NIFK: variants seen among roughly 807,000 people sequenced by gnomAD.
NIFK encodes MKI67 FHA domain-interacting nucleolar phosphoprotein.
Under a neutral mutation model 31.7 loss-of-function variants are expected in NIFK, and 16 were observed. That is an observed-to-expected ratio of 0.50 (90% CI 0.34 to 0.77). The LOEUF is 0.77. Among genes scored for constraint, NIFK ranks in the 30% least tolerant of loss-of-function variants. The pLI is 0.01. For synonymous variants in NIFK, 126 were observed against 123.0 expected (o/e 1.02, Z -0.16); for missense variants, 341 against 350.4 (o/e 0.97, Z 0.21).
chr2:121,735,353 TG>T (rs1240369536), intron 2 of NIFK, among the ~76,000 whole-genome samples: 1 of 152,144 alleles, frequency 6.6e-6, no homozygotes, highest in Admixed American at 6.5e-5. Flanking sequence ...CACAAGAAAA[TG>T]TATAAACCTG....
In NIFK at chr2:121,735,646, A is replaced by T; in HGVS notation, c.210T>A (p.Thr70=). The change falls in exon 2 of 7, where the codon ACT becomes ACA. Residue 70 remains threonine (T), a synonymous_variant. Transcript: ENST00000285814. ...QIFSYFSQFG[T]VTRFRLSRSK... is the part of the protein sequence containing the mutation. ...TTCTGGACAGCCTGAACCGTGTCAC[A>T]GTGCCAAACTGGGAGAAATATGAAA... 1 of 1,612,344 alleles carries T rather than the reference A, an allele frequency of 6.2e-7. No individual in the cohort carries two copies. Among genetic ancestry groups the T allele is most frequent in the South Asian group, 1.1e-5 (1 of 91,010 alleles).
Position 121,728,462 on chromosome 2 carries a change from T to C in NIFK, c.624+15A>G, listed in dbSNP as rs2074511253. The C allele has an allele frequency of 3.8e-6, 6 of 1,569,286 alleles. No homozygotes were observed. Among genetic ancestry groups the C allele is most frequent in the Non-Finnish European group, 5.2e-6 (6 of 1,153,994 alleles). On this transcript the variant is annotated intron_variant, in intron 5 of 6. Coordinates refer to ENST00000285814, the MANE Select transcript of NIFK (RefSeq NM_032390.5). ...CTCTAATATCTTGCATGTAAAATGA[T>C]AAAAAAAATTTTACCTGGCCTTTTG...
chr2:121,727,796 TA>T lies in NIFK; in HGVS notation c.809del (p.Val270GlufsTer40). 6.2e-7 allele frequency: 1 copy of T among 1,610,180 alleles called. No homozygotes were observed. Among genetic ancestry groups the T allele is most frequent in the Non-Finnish European group, 8.5e-7 (1 of 1,179,214 alleles). ...TTTGAGTCTCTTGTATTTCTTCTTTTACACAGGATATGGGCTGTTTGAAAAC... is the reference window on the plus strand; with the variant it reads ...TTTGAGTCTCTTGTATTTCTTCTTTTCACAGGATATGGGCTGTTTGAAAAC... ...EIVFKQPISCVKEEIQETQTP... is the reference protein window; with the variant it reads ...EIVFKQPISCXKEEIQETQTP... On this transcript the variant is annotated frameshift_variant, in exon 7 of 7. Coordinates refer to ENST00000285814, the MANE Select transcript of NIFK (RefSeq NM_032390.5). LOFTEE classifies it high-confidence loss of function.
At chr2:121,732,039 A>G (rs1473398787) in intron 3 of NIFK, 57 bp downstream of exon 3, 14 of 963,978 alleles carry the variant, frequency 1.5e-5, no homozygotes, top group Non-Finnish European at 2.2e-5. Context: ...TTCCCACCAC[A>G]GTCACCCACC....
At chr2:121,733,111 G>C (rs1450695430) in intron 2 of NIFK, among the ~76,000 whole-genome samples, 1 of 150,780 alleles carries the variant, frequency 6.6e-6, no homozygotes, top group South Asian at 2.1e-4. Flanking sequence ...AAGAGGGGTG[G>C]CTCATGCCTG....
chr2:121,731,131 AGG>A, intron 3 of NIFK, 27 bp from the exon 4 acceptor site: 1 of 1,347,554 alleles, frequency 7.4e-7, no homozygotes, highest in Non-Finnish European at 1.0e-6. Context: ...AAAAACATAA[AGG>A]TATTTTAATG....
At chr2:121,732,952 T>G (rs893758671) in intron 2 of NIFK, among the ~76,000 whole-genome samples, 2 of 150,280 alleles carry the variant, frequency 1.3e-5, no homozygotes, top group Non-Finnish European at 3.0e-5. Context: ...CATGGTGACA[T>G]GTACCTGTAA....
In NIFK at chr2:121,731,079, T is replaced by A; in HGVS notation, c.378A>T (p.Val126=). ...LECHFMPPEK[V]HKELFKDWNI... ...TCCAGTCTTTAAAGAGTTCTTTATG[T>A]ACTTTTTCAGGTGGCATAAAATGAC... The change falls in exon 4 of 7, where the codon GTA becomes GTT. Residue 126 remains valine (V), a synonymous_variant. Coordinates refer to ENST00000285814, the MANE Select transcript of NIFK (RefSeq NM_032390.5). 3.2e-6 allele frequency: 5 copies of A among 1,585,052 alleles called. No homozygotes were observed. Among genetic ancestry groups the A allele is most frequent in the Non-Finnish European group, 4.3e-6 (5 of 1,166,780 alleles).
intron 4 of NIFK, 84 bp downstream of exon 4, chr2:121,730,809 G>T: frequency 2.2e-6 from 2 of 900,284 alleles, no homozygotes; most frequent in Non-Finnish European, 3.7e-6. Context: ...TGTGGTAAGT[G>T]CTAGGCTAGG....
intron 2 of NIFK, among the ~76,000 whole-genome samples, chr2:121,735,131 ACTTTATATTTAAC>A (rs571791747): frequency 3.0e-4 from 45 of 152,312 alleles, no homozygotes; most frequent in South Asian, 1.2e-3. Flanking sequence ...TCCTCTAAAG[ACTTTATATTTAAC>A]CTTTGACTAA....
At position 121,727,704 on chromosome 2, in the gene NIFK, G is replaced by T. The variant is rs991244519; in HGVS notation, c.*20C>A. On this transcript the variant is annotated 3_prime_UTR_variant, in exon 7 of 7. Transcript: ENST00000285814. Reference sequence around the variant, plus strand: ...CATAAAAATATTATATTTTTCAAAAGAAATATAATACATTGAAAATCACTG... The same window carrying T: ...CATAAAAATATTATATTTTTCAAAATAAATATAATACATTGAAAATCACTG... The T allele has an allele frequency of 1.0e-5, 16 of 1,546,520 alleles. No individual in the cohort carries two copies. The highest frequency in any genetic ancestry group is 9.9e-5 in the Admixed American group (5 of 50,546).
At chr2:121,728,067 C>G (rs1256604712) in intron 6 of NIFK, 155 bp from the exon 7 acceptor site, 2 of 747,008 alleles carry the variant, frequency 2.7e-6, no homozygotes, top group African/African-American at 1.8e-5. Flanking sequence ...GAATAAAGAA[C>G]TTAGATGCTT....
chr2:121,733,947 T>C (rs920289780), intron 2 of NIFK, among the ~76,000 whole-genome samples: 9 of 152,162 alleles, frequency 5.9e-5, no homozygotes, highest in African/African-American at 1.7e-4. Flanking sequence ...TGTACAAAGA[T>C]TGTTCCTAGC....
chr2:121,732,032 C>T, intron 3 of NIFK, 64 bp downstream of exon 3: 2 of 912,332 alleles, frequency 2.2e-6, no homozygotes, highest in Non-Finnish European at 3.7e-6. Context: ...GCCGCCCTTC[C>T]CACCACAGTC....
chr2:121,732,166 C>T lies in NIFK; in HGVS notation c.282G>A (p.Glu94=). Residue 94 remains glutamate (E), a synonymous_variant, in exon 3 of 7, where the codon GAG becomes GAA. Transcript: ENST00000285814. ...NSKGYAFVEF[E]SEDVAKIVAE... ...CAACTATTTTGGCAACATCCTCAGA[C>T]TCAAACTCCACAAATGCATAGCCTT... 1 of 1,613,456 alleles carries T rather than the reference C, an allele frequency of 6.2e-7. No homozygotes were observed. The highest frequency in any genetic ancestry group is 8.5e-7 in the Non-Finnish European group (1 of 1,179,362).
chr2:121,729,970 T>C (rs1359560181), intron 4 of NIFK, among the ~76,000 whole-genome samples: 1 of 152,180 alleles, frequency 6.6e-6, no homozygotes, highest in African/African-American at 2.4e-5. Flanking sequence ...CCCAGCACTT[T>C]TGGAGGCTGA....
intron 6 of NIFK, 127 bp from the exon 7 acceptor site, chr2:121,728,039 T>C (rs2074504585): frequency 1.1e-6 from 1 of 894,510 alleles, no homozygotes; most frequent in African/African-American, 1.7e-5. Context: ...TACCATCTTT[T>C]GGTGATACTA....
rs531054303 is a variant in NIFK at position 121,727,931 on chromosome 2, G to T, written c.694-19C>A. The T allele has an allele frequency of 8.9e-6, 14 of 1,565,518 alleles. No individual in the cohort carries two copies. The South Asian group carries it at 1.7e-4, about 19-fold the overall frequency. On this transcript the variant is annotated intron_variant, in intron 6 of 6. Transcript: ENST00000285814. ...TGGGGCCCTGGATTCAACAAGTAAA[G>T]ATTATAATACATAAATGTAAAACAT...
At position 121,728,529 on chromosome 2, in the gene NIFK, T is replaced by C; in HGVS notation, c.572A>G (p.Gln191Arg). Residue 191 changes from glutamine to arginine, a missense_variant, in exon 5 of 7, where the codon CAG becomes CGG. Physicochemically the swap from Gln to Arg is conservative, Grantham distance 43. Transcript: ENST00000285814. ...IDYDFPSLIL[Q>R]KTESISKTNR... The stretch of plus-strand genomic sequence containing the variant: ...AGTTTTTGAAATACTTTCCGTTTTC[T>C]GTAAAATCTTTAATAAAGAAGTTAG... 1 of 1,570,466 alleles carries C rather than the reference T, an allele frequency of 6.4e-7. No homozygotes were observed. Among genetic ancestry groups the C allele is most frequent in the Non-Finnish European group, 8.6e-7 (1 of 1,157,692 alleles).
Sources: allele counts gnomAD v4.1 joint callset (sites outside exome capture counted in the v4.1 genomes callset), GRCh38; gene constraint gnomAD v4.1.1; transcripts MANE v1.5; gene names NCBI Gene and HGNC (gene_info 2026-07-23, HGNC 2026-07-21).